Variants in ARHGAP31 observed in about 807,000 individuals in gnomAD.
The protein encoded by ARHGAP31 is rho GTPase-activating protein 31.
Under a neutral mutation model 113.9 loss-of-function variants are expected in ARHGAP31, and 34 were observed. The observed-to-expected ratio is 0.30, with a 90% confidence interval of 0.23 to 0.40. The LOEUF (loss-of-function observed/expected upper bound fraction) is 0.40, where lower values mean the gene tolerates loss of function less well. Ranked by LOEUF, ARHGAP31 falls within the 10% of genes least tolerant of loss-of-function variation. ARHGAP31 has a pLI of 1.00. For synonymous variants in ARHGAP31, 650 were observed against 684.8 expected, an observed-to-expected ratio of 0.95 and a Z score of 0.79; for missense variants, 1,548 against 1,767.1, an observed-to-expected ratio of 0.88 and a Z score of 2.22.
intron 6 of ARHGAP31, among the ~76,000 whole-genome samples, chr3:119,385,351 A>G (rs2080440036): frequency 6.6e-6 from 1 of 151,864 alleles, no homozygotes; most frequent in Admixed American, 6.6e-5. Flanking sequence ...ATTTTTATCC[A>G]TTCCTTAGTT....
intron 3 of ARHGAP31, among the ~76,000 whole-genome samples, chr3:119,372,510 TG>T (rs2080307083): frequency 6.6e-6 from 1 of 152,142 alleles, no homozygotes; most frequent in Non-Finnish European, 1.5e-5. Flanking sequence ...CTTGAACTTC[TG>T]ACCTCAGGTG....
chr3:119,364,281 T>A (rs1218085182), intron 1 of ARHGAP31, among the ~76,000 whole-genome samples: 2 of 152,208 alleles, frequency 1.3e-5, no homozygotes, highest in Non-Finnish European at 2.9e-5. Context: ...AAACACTTTA[T>A]CACTTTAACC....
intron 1 of ARHGAP31, among the ~76,000 whole-genome samples, chr3:119,310,993 C>CTAG (rs2079675144): frequency 6.6e-6 from 1 of 152,176 alleles, no homozygotes; most frequent in Non-Finnish European, 1.5e-5. Context: ...GTGCTAACCT[C>CTAG]CAGCAAGGCA....
chr3:119,384,518 TG>T lies in ARHGAP31; in HGVS notation c.682+1294del, dbSNP rs1217156409. Among the ~76,000 whole-genome samples, 6 of 152,324 alleles carry T rather than the reference TG, an allele frequency of 3.9e-5. No homozygotes were observed. In the East Asian group the frequency reaches 1.2e-3, roughly 29 times the overall value. ...AGTCCAGAATCAAGGGGCTAGCACC[TG>T]GTGAGGGCCTTACCTTCTTTCTGCG... On this transcript the variant is annotated intron_variant, in intron 6 of 11. Coordinates refer to ENST00000264245, the MANE Select transcript of ARHGAP31 (RefSeq NM_020754.4).
intron 1 of ARHGAP31, among the ~76,000 whole-genome samples, chr3:119,315,391 G>C (rs184486051): frequency 6.6e-6 from 1 of 152,194 alleles, no homozygotes; most frequent in East Asian, 1.9e-4. Flanking sequence ...ACCCAATTCT[G>C]AACTTCTATA....
chr3:119,405,544 T>C (rs1577032368), intron 10 of ARHGAP31, among the ~76,000 whole-genome samples: 1 of 152,152 alleles, frequency 6.6e-6, no homozygotes, highest in East Asian at 1.9e-4. Context: ...CTGCCTCCCA[T>C]CTGCCAAACA....
chr3:119,301,910 G>A (rs11919244), intron 1 of ARHGAP31, among the ~76,000 whole-genome samples: 3,678 of 152,240 alleles, frequency 0.024, 142 homozygotes, highest in African/African-American at 0.084. Context: ...GCTCTGAGCC[G>A]CCTTCCCACC....
Position 119,416,189 on chromosome 3 carries a change from C to T in ARHGAP31, c.4260C>T (p.Thr1420=). Residue 1420 remains threonine (T), a synonymous_variant, in exon 12 of 12, where the codon ACC becomes ACT. Transcript: ENST00000264245. ...CTAAGAATGGCCAGAGACTAGAGAC[C>T]TCAACCAGCTGTTTTTACCAGCCTC... is the stretch of plus-strand genomic sequence containing the variant. The part of the protein sequence containing the change: ...TIPKNGQRLE[T]STSCFYQPQR... 3.7e-6 allele frequency: 6 copies of T among 1,614,204 alleles called. No individual in the cohort carries two copies. Among genetic ancestry groups the T allele is most frequent in the South Asian group, 1.1e-5 (1 of 91,080 alleles).
At position 119,361,661 on chromosome 3, in the gene ARHGAP31, C is replaced by T. The variant is rs192272551; in HGVS notation, c.101-3655C>T. On this transcript the variant is annotated intron_variant, in intron 1 of 11. Transcript: ENST00000264245. Reference sequence around the variant, plus strand: ...CCTCCCAAAGTGCTGGGATTACAGGCGTGAGCCACTGTGCCCAGCGGTCCT... The same window carrying T: ...CCTCCCAAAGTGCTGGGATTACAGGTGTGAGCCACTGTGCCCAGCGGTCCT... Among the ~76,000 whole-genome samples the T allele has an allele frequency of 3.7e-3, 568 of 152,306 alleles. 2 individuals are homozygous for T. The highest frequency in any genetic ancestry group is 0.013 in the African/African-American group (535 of 41,568).
At chr3:119,314,460 G>A (rs2079712042) in intron 1 of ARHGAP31, 1 of 152,226 alleles carries the variant, frequency 6.6e-6, no homozygotes, top group Admixed American at 6.5e-5. Flanking sequence ...GTGTCTTCTG[G>A]TGTTCATTAT....
At chr3:119,365,501 T>A in intron 2 of ARHGAP31, 83 bp downstream of exon 2, 1 of 1,263,304 alleles carries the variant, frequency 7.9e-7, no homozygotes, top group Non-Finnish European at 1.1e-6. Context: ...TCCAGAGTAT[T>A]AAAAACCCAA....
rs1480833934 is a variant in ARHGAP31 at position 119,414,298 on chromosome 3, C to G, written c.2369C>G (p.Pro790Arg). The change falls in exon 12 of 12, where the codon CCT (proline) becomes CGT (arginine). Residue 790 changes from proline (P) to arginine (R), a missense_variant. Physicochemically the swap from Pro to Arg is moderately radical, Grantham distance 103. Transcript: ENST00000264245. ...CCACCTGCTCCTCCCCCTCCAACTC[C>G]TCTGGAGGAGTCAACTCCAGTCCTG... ...PLPPAPPPPT[P>R]LEESTPVLLS... 1 of 1,614,234 alleles carries G rather than the reference C, an allele frequency of 6.2e-7. No individual in the cohort carries two copies. Among genetic ancestry groups the G allele is most frequent in the Non-Finnish European group, 8.5e-7 (1 of 1,180,032 alleles).
chr3:119,294,886 G>T lies in ARHGAP31; in HGVS notation c.-19G>T, dbSNP rs756557191. ...GAGGGGCGGCAGAGACGGAGGGGCAGCCTCTTTGGGACTAACTCATGAAGA... is the reference window on the plus strand; with the variant it reads ...GAGGGGCGGCAGAGACGGAGGGGCATCCTCTTTGGGACTAACTCATGAAGA... On this transcript the variant is annotated 5_prime_UTR_variant, in exon 1 of 12. Coordinates refer to ENST00000264245, the MANE Select transcript of ARHGAP31 (RefSeq NM_020754.4). The T allele has an allele frequency of 6.2e-7, 1 of 1,612,174 alleles. No individual in the cohort carries two copies. The highest frequency in any genetic ancestry group is 8.5e-7 in the Non-Finnish European group (1 of 1,178,456).
In ARHGAP31 at chr3:119,415,243, C is replaced by T; in HGVS notation, c.3314C>T (p.Ser1105Phe). The T allele has an allele frequency of 6.2e-7, 1 of 1,614,204 alleles. No homozygotes were observed. The highest frequency in any genetic ancestry group is 1.3e-5 in the African/African-American group (1 of 75,046). Residue 1105 changes from serine to phenylalanine, a missense_variant, in exon 12 of 12, where the codon TCT (serine) becomes TTT (phenylalanine). Physicochemically the swap from Ser to Phe is radical, Grantham distance 155. Coordinates refer to ENST00000264245, the MANE Select transcript of ARHGAP31 (RefSeq NM_020754.4). ...CCCCCAAAAGGGAAAAACAGGCCTTCTTCCCTCAACTTGGACCCTGCCATT... is the reference window on the plus strand; with the variant it reads ...CCCCCAAAAGGGAAAAACAGGCCTTTTTCCCTCAACTTGGACCCTGCCATT... ...CGPPKGKNRPSSLNLDPAIPI... is the reference protein window; with the variant it reads ...CGPPKGKNRPFSLNLDPAIPI...
chr3:119,392,519 T>C (rs1269424192), intron 7 of ARHGAP31, among the ~76,000 whole-genome samples: 11 of 152,216 alleles, frequency 7.2e-5, no homozygotes, highest in Non-Finnish European at 1.5e-5. Flanking sequence ...CTGCGGAGAA[T>C]AGGTCCTTTG....
intron 1 of ARHGAP31, among the ~76,000 whole-genome samples, chr3:119,337,005 T>A (rs1351823480): frequency 1.3e-5 from 2 of 152,244 alleles, no homozygotes; most frequent in Non-Finnish European, 2.9e-5. Flanking sequence ...TTTTATTACC[T>A]AATAATATTC....
intron 1 of ARHGAP31, among the ~76,000 whole-genome samples, chr3:119,362,707 G>T (rs1226962214): frequency 6.6e-6 from 1 of 151,356 alleles, no homozygotes; most frequent in Non-Finnish European, 1.5e-5. Context: ...GGCCAAGGTT[G>T]CAGTGAGCCA....
At position 119,354,701 on chromosome 3, in the gene ARHGAP31, A is replaced by G. The variant is rs890466177; in HGVS notation, c.101-10615A>G. Among the ~76,000 whole-genome samples the G allele has an allele frequency of 6.4e-4, 48 of 74,872 alleles. No individual in the cohort carries two copies. In the Admixed American group the frequency reaches 6.7e-3, roughly 11 times the overall value. 49.1% of individuals were successfully genotyped at this position (74,872 alleles called of 152,430 possible). A position where few individuals can be genotyped will look rare whatever the true frequency, so the allele number is the denominator to read the frequency against. On this transcript the variant is annotated intron_variant, in intron 1 of 11. Coordinates refer to ENST00000264245, the MANE Select transcript of ARHGAP31 (RefSeq NM_020754.4). Reference sequence around the variant, plus strand: ...TAATTTTTTTTTTTTTTTTTTTTGTATTTTTTAGCAGAGATGGAGTTTCAC... The same window carrying G: ...TAATTTTTTTTTTTTTTTTTTTTGTGTTTTTTAGCAGAGATGGAGTTTCAC...
intron 11 of ARHGAP31, among the ~76,000 whole-genome samples, chr3:119,412,028 C>G (rs1014087188): frequency 6.6e-6 from 1 of 152,188 alleles, no homozygotes; most frequent in Non-Finnish European, 1.5e-5. Flanking sequence ...AAGGCCTGTG[C>G]CATCCCAGGA....
Sources: gnomAD v4.1 joint callset for allele counts (sites outside exome capture counted in the v4.1 genomes callset) on GRCh38, gnomAD v4.1.1 for gene constraint, MANE v1.5 for transcripts, NCBI Gene and HGNC (gene_info 2026-07-23, HGNC 2026-07-21) for gene names.